JAZF1: variants seen among roughly 807,000 people sequenced by gnomAD.
The protein encoded by JAZF1 is juxtaposed with another zinc finger protein 1.
Under a neutral mutation model 26.4 loss-of-function variants are expected in JAZF1, and 8 were observed. The ratio of observed to expected loss-of-function variants is 0.30; its 90% CI spans 0.18 to 0.55. The LOEUF (loss-of-function observed/expected upper bound fraction) is 0.55. JAZF1 is among the 20% of genes least tolerant of loss of function. The pLI, the probability that JAZF1 is intolerant of heterozygous loss-of-function variation, is 0.94. For missense variants in JAZF1, 199 were observed against 322.0 expected, an observed-to-expected ratio of 0.62 and a Z score of 2.92; for synonymous variants, 126 against 122.3, an observed-to-expected ratio of 1.03 and a Z score of -0.20.
intron 2 of JAZF1, among the ~76,000 whole-genome samples, chr7:27,976,378 G>T (rs1048178345): frequency 1.5e-5 from 2 of 131,928 alleles, no homozygotes; most frequent in Non-Finnish European, 3.6e-5. Context: ...AGAATATATG[G>T]TCTTTCTGGA....
chr7:28,010,642 T>C (rs1267288725), intron 1 of JAZF1, among the ~76,000 whole-genome samples: 4 of 152,246 alleles, frequency 2.6e-5, no homozygotes, highest in South Asian at 2.1e-4. Context: ...TGGTAGAATC[T>C]GCCTTAATAG....
chr7:28,142,256 T>C (rs1376353913), intron 1 of JAZF1, among the ~76,000 whole-genome samples: 2 of 152,166 alleles, frequency 1.3e-5, no homozygotes, highest in Non-Finnish European at 2.9e-5. Flanking sequence ...TCTGATGTGA[T>C]GTTCAGAATC....
chr7:28,086,256 G>T (rs1784210349), intron 1 of JAZF1, among the ~76,000 whole-genome samples: 1 of 152,212 alleles, frequency 6.6e-6, no homozygotes, highest in Non-Finnish European at 1.5e-5. Context: ...CCCCAGTAAT[G>T]ACTAGGTTGA....
At chr7:28,073,685 T>C (rs2127911767) in intron 1 of JAZF1, among the ~76,000 whole-genome samples, 1 of 152,188 alleles carries the variant, frequency 6.6e-6, no homozygotes, top group East Asian at 1.9e-4. Context: ...TTATTGCCCC[T>C]GCCCGGGGCA....
At chr7:27,851,280 C>T (rs1783144611) in intron 3 of JAZF1, among the ~76,000 whole-genome samples, 2 of 152,172 alleles carry the variant, frequency 1.3e-5, no homozygotes, top group South Asian at 4.1e-4. Context: ...ATATTGATTA[C>T]AAACACACTC....
At chr7:27,968,751 A>G (rs1303941836) in intron 2 of JAZF1, among the ~76,000 whole-genome samples, 1 of 152,200 alleles carries the variant, frequency 6.6e-6, no homozygotes, top group Non-Finnish European at 1.5e-5. Flanking sequence ...GCTTTTCATC[A>G]TACTTATTTG....
chr7:27,998,862 G>C (rs1786075650), intron 1 of JAZF1, among the ~76,000 whole-genome samples: 1 of 152,160 alleles, frequency 6.6e-6, no homozygotes, highest in Non-Finnish European at 1.5e-5. Context: ...CCCTATTCCT[G>C]GCAGACCAGA....
At chr7:28,072,805 G>A (rs957494430) in intron 1 of JAZF1, among the ~76,000 whole-genome samples, 2 of 152,154 alleles carry the variant, frequency 1.3e-5, no homozygotes, top group Non-Finnish European at 1.5e-5. Flanking sequence ...TTCAAGTCAT[G>A]TGCATGTATT....
chr7:28,095,720 C>T (rs371644079), intron 1 of JAZF1, among the ~76,000 whole-genome samples: 2 of 152,192 alleles, frequency 1.3e-5, no homozygotes, highest in South Asian at 4.1e-4. Flanking sequence ...CTCCGCTGAA[C>T]GTCAAATCCC....
At chr7:27,939,481 G>A (rs1784810623) in intron 2 of JAZF1, among the ~76,000 whole-genome samples, 1 of 152,192 alleles carries the variant, frequency 6.6e-6, no homozygotes. Flanking sequence ...AGTTTTAGAG[G>A]CCCCTGGATC....
intron 3 of JAZF1, among the ~76,000 whole-genome samples, chr7:27,872,101 G>A (rs905701317): frequency 2.6e-5 from 4 of 152,134 alleles, no homozygotes; most frequent in Admixed American, 2.0e-4. Context: ...ACTCGTCCCC[G>A]CCAGCAAGCT....
chr7:27,893,839 T>C (rs1439952508), intron 3 of JAZF1, among the ~76,000 whole-genome samples: 1 of 152,100 alleles, frequency 6.6e-6, no homozygotes, highest in Middle Eastern at 3.2e-3. Flanking sequence ...TAATGAAGCA[T>C]GAACTAGGGA....
At chr7:28,117,899 T>C (rs1055894118) in intron 1 of JAZF1, among the ~76,000 whole-genome samples, 2 of 152,204 alleles carry the variant, frequency 1.3e-5, no homozygotes, top group African/African-American at 4.8e-5. Flanking sequence ...TATTAATTTG[T>C]TTAAAAAGCA....
At chr7:28,091,170 A>AT (rs1463735655) in intron 1 of JAZF1, among the ~76,000 whole-genome samples, 1 of 151,628 alleles carries the variant, frequency 6.6e-6, no homozygotes, top group Admixed American at 6.6e-5. Flanking sequence ...AATTATTACT[A>AT]TTTTTTCTAA....
chr7:28,001,449 A>G (rs1786160004), intron 1 of JAZF1, among the ~76,000 whole-genome samples: 1 of 152,222 alleles, frequency 6.6e-6, no homozygotes, highest in African/African-American at 2.4e-5. Context: ...AGAGGAATAT[A>G]CTTACTACTC....
At chr7:27,984,368 T>A (rs929670292) in intron 2 of JAZF1, among the ~76,000 whole-genome samples, 5 of 152,174 alleles carry the variant, frequency 3.3e-5, no homozygotes, top group Admixed American at 3.3e-4. Context: ...GGCCATTACA[T>A]AATGGTAAAG....
At chr7:27,883,408 T>A (rs1783804642) in intron 3 of JAZF1, among the ~76,000 whole-genome samples, 1 of 152,168 alleles carries the variant, frequency 6.6e-6, no homozygotes, top group Non-Finnish European at 1.5e-5. Flanking sequence ...AACAACACAG[T>A]TAATAGTAGA....
At chr7:27,895,173 T>C (rs970939341) in intron 3 of JAZF1, 47 bp downstream of exon 3, 10 of 1,320,082 alleles carry the variant, frequency 7.6e-6, no homozygotes, top group Non-Finnish European at 1.0e-5. Context: ...ACACTTTCTC[T>C]TTCTCCCCTC....
At chr7:27,900,203 C>T (rs767648597) in intron 2 of JAZF1, among the ~76,000 whole-genome samples, 2 of 152,156 alleles carry the variant, frequency 1.3e-5, no homozygotes, top group Non-Finnish European at 2.9e-5. Context: ...CTGGAGCTGG[C>T]TCATACTGGG....
Sources: gnomAD v4.1 joint callset for allele counts (sites outside exome capture counted in the v4.1 genomes callset) on GRCh38, gnomAD v4.1.1 for gene constraint, MANE v1.5 for transcripts, NCBI Gene and HGNC (gene_info 2026-07-23, HGNC 2026-07-21) for gene names.